The following MRTFA variants were observed in gnomAD, a reference collection of about 807,000 sequenced individuals.
MRTFA encodes the protein myocardin related transcription factor A.
A neutral mutation model predicts 83.5 loss-of-function variants in MRTFA; 20 were observed. That is an observed-to-expected ratio of 0.24 (90% CI 0.17 to 0.35). MRTFA has a LOEUF of 0.35. Ranked by LOEUF, MRTFA falls within the 10% of genes least tolerant of loss-of-function variation. The pLI, the probability that MRTFA is intolerant of heterozygous loss-of-function variation, is 1.00. For missense variants in MRTFA, 1,200 were observed against 1,224.7 expected (o/e 0.98, Z 0.30); for synonymous variants, 659 against 541.2 (o/e 1.22, Z -3.02).
In MRTFA at chr22:40,600,982, GCAAAA is replaced by G. The variant is rs1229528102; in HGVS notation, c.-83-6252_-83-6248del. On this transcript the variant is annotated intron_variant, in intron 1 of 14. Transcript: ENST00000355630. ...AAAGCAAGACTCCGTCTCAAAAAAA[GCAAAA>G]CAAAACAAAACAAAAAAACTACAAT... is the stretch of plus-strand genomic sequence containing the variant. Among the ~76,000 whole-genome samples, 6 of 152,080 alleles carry G rather than the reference GCAAAA, an allele frequency of 3.9e-5. No individual in the cohort carries two copies. The East Asian group carries it at 7.7e-4, about 20-fold the overall frequency.
chr22:40,444,191 T>TA (rs2053333842), intron 4 of MRTFA, among the ~76,000 whole-genome samples: 2 of 151,746 alleles, frequency 1.3e-5, no homozygotes, highest in Admixed American at 6.6e-5. Context: ...TACAGCAGAA[T>TA]AAAGGAGACA....
chr22:40,625,141 G>A (rs1358853113), intron 1 of MRTFA, among the ~76,000 whole-genome samples: 2 of 151,946 alleles, frequency 1.3e-5, no homozygotes, highest in African/African-American at 2.4e-5. Context: ...ACATCTGAAC[G>A]GAAAGGAAGT....
chr22:40,427,925 G>A (rs1234277126), intron 7 of MRTFA, among the ~76,000 whole-genome samples: 1 of 152,134 alleles, frequency 6.6e-6, no homozygotes, highest in African/African-American at 2.4e-5. Flanking sequence ...AAAAACTCTT[G>A]GATAACAGGA....
At chr22:40,627,322 C>T (rs962064088) in intron 1 of MRTFA, among the ~76,000 whole-genome samples, 1 of 152,122 alleles carries the variant, frequency 6.6e-6, no homozygotes, top group Non-Finnish European at 1.5e-5. Context: ...TCATGTTGCC[C>T]AGGCTGGTCT....
intron 2 of MRTFA, 28 bp from the exon 3 acceptor site, chr22:40,552,395 T>G: frequency 2.5e-6 from 1 of 397,836 alleles, no homozygotes. Flanking sequence ...AATGGAAAGT[T>G]TAGATGGTAC....
At chr22:40,583,717 G>A (rs954313724) in intron 2 of MRTFA, among the ~76,000 whole-genome samples, 4 of 152,104 alleles carry the variant, frequency 2.6e-5, no homozygotes, top group Non-Finnish European at 5.9e-5. Flanking sequence ...CACATACAAG[G>A]GATCTAGGTT....
chr22:40,631,762 T>C (rs928618215), intron 1 of MRTFA, among the ~76,000 whole-genome samples: 4 of 152,228 alleles, frequency 2.6e-5, no homozygotes, highest in African/African-American at 7.2e-5. Context: ...ATGTGAAAGG[T>C]ACATAGTAAA....
intron 1 of MRTFA, among the ~76,000 whole-genome samples, chr22:40,598,997 T>TA (rs577125107): frequency 0.13 from 10,962 of 84,392 alleles, 673 homozygotes; most frequent in East Asian, 0.3. Context: ...AAACTCCATC[T>TA]AAAAAAAAAA....
chr22:40,521,113 T>A (rs2054858746), intron 3 of MRTFA, among the ~76,000 whole-genome samples: 3 of 152,210 alleles, frequency 2.0e-5, no homozygotes, highest in Non-Finnish European at 4.4e-5. Context: ...AGCTCATGTA[T>A]CCTTTACTCA....
At chr22:40,528,565 C>T (rs2055019043) in intron 3 of MRTFA, among the ~76,000 whole-genome samples, 1 of 151,926 alleles carries the variant, frequency 6.6e-6, no homozygotes, top group Non-Finnish European at 1.5e-5. Context: ...TGGAGAAACC[C>T]CGTCTCTACT....
Position 40,419,237 on chromosome 22 carries a change from G to A in MRTFA, c.1501C>T (p.His501Tyr). ...GCTACCACCACCTCGCCAGCCTTGT[G>A]CAGGATAGAGGTGGCGGCAGGGGCC... is the stretch of plus-strand genomic sequence containing the variant. Residue 501 changes from histidine (H) to tyrosine (Y), a missense_variant, in exon 12 of 15, where the codon CAC becomes TAC. This residue lies in a region of MRTFA where 1,107 missense variants were observed against 1,041.8 expected (regional missense o/e 1.06). Coordinates refer to ENST00000355630, the MANE Select transcript of MRTFA (RefSeq NM_020831.6). 6.2e-7 allele frequency: 1 copy of A among 1,610,378 alleles called. No individual in the cohort carries two copies.
At chr22:40,489,482 ATTT>A (rs987145169) in intron 3 of MRTFA, among the ~76,000 whole-genome samples, 4 of 143,498 alleles carry the variant, frequency 2.8e-5, no homozygotes, top group African/African-American at 1.0e-4. Flanking sequence ...TAATTTTTTC[ATTT>A]TTTTTTTTCT....
intron 3 of MRTFA, chr22:40,519,437 A>C: frequency 7.5e-7 from 1 of 1,333,472 alleles, no homozygotes; most frequent in Admixed American, 2.3e-5. Flanking sequence ...TGAGAGATGA[A>C]GGCGATGTTG....
rs574036714 is a variant in MRTFA, at chr22:40,494,134, T to G, written c.242-30848A>C. On this transcript the variant is annotated intron_variant, in intron 3 of 14. Transcript: ENST00000355630. ...GTGTATGTGGTATTTCACTACCAAATTATATTAAAGAGCTCTTATCTATTG... is the reference window on the plus strand; with the variant it reads ...GTGTATGTGGTATTTCACTACCAAAGTATATTAAAGAGCTCTTATCTATTG... Among the ~76,000 whole-genome samples the G allele has an allele frequency of 2.6e-5, 4 of 152,344 alleles. No individual in the cohort carries two copies. In the South Asian group the frequency reaches 8.3e-4, roughly 32 times the overall value.
intron 3 of MRTFA, chr22:40,521,855 C>CT (rs879756880): frequency 2.3e-3 from 320 of 140,652 alleles, no homozygotes; most frequent in South Asian, 5.6e-3. Context: ...TCTCTCTCTC[C>CT]TTTTTTTTTT....
At chr22:40,588,544 T>C (rs1407926690) in intron 2 of MRTFA, among the ~76,000 whole-genome samples, 1 of 152,140 alleles carries the variant, frequency 6.6e-6, no homozygotes, top group Non-Finnish European at 1.5e-5. Context: ...ACCTTCCCCA[T>C]TGAGAACCAC....
intron 1 of MRTFA, among the ~76,000 whole-genome samples, chr22:40,602,631 G>A (rs150170623): frequency 6.8e-6 from 1 of 147,446 alleles, no homozygotes; most frequent in East Asian, 2.0e-4. Flanking sequence ...CTGAGGTCAA[G>A]AGTTCAAGAC....
At chr22:40,499,914 CTTTTT>C (rs72041822) in intron 3 of MRTFA, among the ~76,000 whole-genome samples, 5 of 84,924 alleles carry the variant, frequency 5.9e-5, no homozygotes, top group Non-Finnish European at 8.6e-5. Flanking sequence ...TCAAGTAGAC[CTTTTT>C]TTTTTTTTTT....
intron 3 of MRTFA, among the ~76,000 whole-genome samples, chr22:40,524,171 T>G (rs527753751): frequency 8.1e-4 from 123 of 152,284 alleles, no homozygotes; most frequent in African/African-American, 2.9e-3. Flanking sequence ...GATGTGCACT[T>G]GCAGTCCCAG....
Sources: allele counts gnomAD v4.1 joint callset (sites outside exome capture counted in the v4.1 genomes callset), GRCh38; gene constraint gnomAD v4.1.1; regional missense constraint gnomAD v4.1.1; transcripts MANE v1.5; gene names NCBI Gene and HGNC (gene_info 2026-07-23, HGNC 2026-07-21).